CD86: variants seen among roughly 807,000 people sequenced by gnomAD.
The protein encoded by CD86 is CD86 molecule.
A neutral mutation model predicts 32.1 loss-of-function variants in CD86; 11 were observed. That is an observed-to-expected ratio of 0.34 (90% CI 0.22 to 0.57). The LOEUF (loss-of-function observed/expected upper bound fraction) is 0.57. Among genes scored for constraint, CD86 ranks in the 20% least tolerant of loss-of-function variants. The pLI, the probability that CD86 is intolerant of heterozygous loss-of-function variation, is 0.86. For missense variants in CD86, 359 were observed against 398.4 expected (o/e 0.90, Z 0.84); for synonymous variants, 137 against 135.3 (o/e 1.01, Z -0.09).
chr3:122,084,917 C>T (rs975691217), intron 1 of CD86, among the ~76,000 whole-genome samples: 1 of 152,190 alleles, frequency 6.6e-6, no homozygotes, highest in African/African-American at 2.4e-5. Flanking sequence ...CTTCAGATCT[C>T]AGTTTAGGCT....
chr3:122,099,995 C>T (rs138071705), intron 2 of CD86, among the ~76,000 whole-genome samples: 4 of 152,172 alleles, frequency 2.6e-5, no homozygotes, highest in South Asian at 4.2e-4. Flanking sequence ...AGGTTGTGGA[C>T]GGAGATTAGT....
At chr3:122,112,380 G>A (rs561784276) in intron 5 of CD86, among the ~76,000 whole-genome samples, 4 of 151,800 alleles carry the variant, frequency 2.6e-5, no homozygotes, top group South Asian at 2.1e-4. Context: ...GCAGTGGCAC[G>A]ATCTCAGCAC....
intron 5 of CD86, among the ~76,000 whole-genome samples, chr3:122,117,017 A>T (rs1016301734): frequency 4.6e-5 from 7 of 152,240 alleles, no homozygotes; most frequent in Non-Finnish European, 5.9e-5. Flanking sequence ...GGGTTTTATT[A>T]TTTATTAATT....
At chr3:122,077,523 C>T (rs998810430) in intron 1 of CD86, among the ~76,000 whole-genome samples, 1 of 128,254 alleles carries the variant, frequency 7.8e-6, no homozygotes, top group African/African-American at 2.6e-5. Context: ...TCTGCCCTCA[C>T]TCATTGAAGG....
intron 1 of CD86, among the ~76,000 whole-genome samples, chr3:122,067,018 A>G (rs979607482): frequency 1.3e-5 from 2 of 152,150 alleles, no homozygotes; most frequent in Non-Finnish European, 2.9e-5. Context: ...CAGAAGAAAC[A>G]GCTTCCACAG....
chr3:122,094,229 G>A (rs142862823), intron 2 of CD86, among the ~76,000 whole-genome samples: 169 of 152,302 alleles, frequency 1.1e-3, no homozygotes, highest in Admixed American at 2.2e-3. Context: ...TTCTGACTCC[G>A]CACACTGAAA....
At chr3:122,067,092 C>G (rs1034407478) in intron 1 of CD86, among the ~76,000 whole-genome samples, 1 of 151,936 alleles carries the variant, frequency 6.6e-6, no homozygotes, top group Non-Finnish European at 1.5e-5. Flanking sequence ...AAGATGGTCA[C>G]GGAATAGTGA....
chr3:122,075,463 G>A (rs2072542965), intron 1 of CD86, among the ~76,000 whole-genome samples: 1 of 152,222 alleles, frequency 6.6e-6, no homozygotes, highest in Non-Finnish European at 1.5e-5. Context: ...TGGTACTTAT[G>A]GATTGGAGGA....
At chr3:122,081,776 G>A (rs2072638150) in intron 1 of CD86, among the ~76,000 whole-genome samples, 1 of 152,056 alleles carries the variant, frequency 6.6e-6, no homozygotes, top group Admixed American at 6.6e-5. Flanking sequence ...TAACATGCAG[G>A]GTACAGTTCT....
In CD86 at chr3:122,077,930, G is replaced by A. The variant is rs1178634374; in HGVS notation, c.15-13671G>A. ...GAGCCTTAGGAGGTACGGGGAGCTC[G>A]CAAATACTCCTTTTGGTTTATTCTT... On this transcript the variant is annotated intron_variant, in intron 1 of 6. Coordinates refer to ENST00000330540, the MANE Select transcript of CD86 (RefSeq NM_175862.5). 1.0e-5 allele frequency: 10 copies of A among 985,470 alleles called. No individual in the cohort carries two copies. The Middle Eastern group carries it at 1.6e-3, about 154-fold the overall frequency. 61.0% of individuals were successfully genotyped at this position (985,470 alleles called of 1,614,324 possible).
Position 122,109,301 on chromosome 3 carries a change from C to T in CD86, c.740C>T (p.Pro247Leu). ...CCTCAGCCTCCCCCAGACCACATTC[C>T]TTGGATTACAGCTGTACTTCCAACA... ...EDPQPPPDHI[P>L]WITAVLPTVI... The change falls in exon 5 of 7, where the codon CCT (proline) becomes CTT (leucine). Residue 247 changes from proline (P) to leucine (L), a missense_variant. Pro to Leu is a moderately conservative substitution (Grantham distance 98). Coordinates refer to ENST00000330540, the MANE Select transcript of CD86 (RefSeq NM_175862.5). The T allele has an allele frequency of 1.2e-6, 2 of 1,614,060 alleles. No homozygotes were observed. The highest frequency in any genetic ancestry group is 1.1e-5 in the South Asian group (1 of 91,070).
intron 1 of CD86, among the ~76,000 whole-genome samples, chr3:122,062,254 A>G (rs1251395578): frequency 6.6e-6 from 1 of 152,180 alleles, no homozygotes; most frequent in Non-Finnish European, 1.5e-5. Context: ...ATACTTTCGT[A>G]TACTACTGAT....
chr3:122,091,431 G>A (rs1364205760), intron 1 of CD86, among the ~76,000 whole-genome samples, 170 bp from the exon 2 acceptor site: 2 of 152,160 alleles, frequency 1.3e-5, no homozygotes, highest in African/African-American at 2.4e-5. Context: ...GTGACCTATC[G>A]ATGGAGCTAA....
intron 1 of CD86, among the ~76,000 whole-genome samples, chr3:122,056,917 A>G (rs553176827): frequency 6.6e-6 from 1 of 152,212 alleles, no homozygotes. Flanking sequence ...GCTGCTGTCT[A>G]TATTGAACTT....
intron 1 of CD86, among the ~76,000 whole-genome samples, chr3:122,061,058 C>T (rs1416319483): frequency 6.6e-6 from 1 of 152,100 alleles, no homozygotes; most frequent in Non-Finnish European, 1.5e-5. Flanking sequence ...TGTCACAGCT[C>T]TATATTATTA....
intron 4 of CD86, among the ~76,000 whole-genome samples, chr3:122,106,871 C>CACACA (rs1553754173): frequency 1.3e-5 from 2 of 151,040 alleles, no homozygotes; most frequent in Admixed American, 6.6e-5. Flanking sequence ...CACACACACA[C>CACACA]CATGCATACA....
intron 1 of CD86, among the ~76,000 whole-genome samples, chr3:122,062,546 T>A (rs2072354675): frequency 6.6e-6 from 1 of 152,210 alleles, no homozygotes; most frequent in African/African-American, 2.4e-5. Context: ...GAGTTTTTTA[T>A]AACAGGGTGT....
chr3:122,068,734 A>G, intron 1 of CD86, among the ~76,000 whole-genome samples: 1 of 152,254 alleles, frequency 6.6e-6, no homozygotes, highest in East Asian at 1.9e-4. Flanking sequence ...TTTGTTAAAT[A>G]ATAGACCATC....
chr3:122,106,855 C>CACACACACACAT (rs2107542169), intron 4 of CD86, among the ~76,000 whole-genome samples: 1 of 151,904 alleles, frequency 6.6e-6, no homozygotes, highest in East Asian at 1.9e-4. Context: ...CACACACACA[C>CACACACACACAT]ACACACACAC....
Sources: gnomAD v4.1 joint callset for allele counts (sites outside exome capture counted in the v4.1 genomes callset) on GRCh38, gnomAD v4.1.1 for gene constraint, MANE v1.5 for transcripts, NCBI Gene and HGNC (gene_info 2026-07-23, HGNC 2026-07-21) for gene names.